Variants in HTR3B observed in about 807,000 individuals in gnomAD.
The protein encoded by HTR3B is 5-hydroxytryptamine (serotonin) receptor 3B, ionotropic.
In HTR3B, 44 loss-of-function variants were observed where a neutral mutation model predicts 42.8. That is an observed-to-expected ratio of 1.03 (90% CI 0.81 to 1.32). HTR3B has a LOEUF of 1.32. Among genes scored for constraint, HTR3B ranks in the 40% most tolerant of loss-of-function variants. HTR3B has a pLI of 0.00. For synonymous variants in HTR3B, 203 were observed against 209.0 expected (o/e 0.97, Z 0.25); for missense variants, 527 against 536.5 (o/e 0.98, Z 0.17).
intron 2 of HTR3B, among the ~76,000 whole-genome samples, chr11:113,920,692 T>C (rs1949903794): frequency 6.6e-6 from 1 of 152,130 alleles, no homozygotes; most frequent in South Asian, 2.1e-4. Flanking sequence ...CCAATTATCC[T>C]ATTAAGTAAG....
Position 113,946,020 on chromosome 11 carries a change from A to G in HTR3B, c.1209A>G (p.Ala403=). The G allele has an allele frequency of 6.2e-7, 1 of 1,613,942 alleles. No homozygotes were observed. The highest frequency in any genetic ancestry group is 8.5e-7 in the Non-Finnish European group (1 of 1,179,836). Reference sequence around the variant, plus strand: ...AGGACCAGACAGACCAACAGGAGGCAGAGTGGCTGGTCCTCCTGTCCCGCT... The same window carrying G: ...AGGACCAGACAGACCAACAGGAGGCGGAGTGGCTGGTCCTCCTGTCCCGCT... ...QTQDQTDQQE[A]EWLVLLSRFD... The change falls in exon 9 of 9, where the codon GCA becomes GCG. Residue 403 remains alanine (A), a synonymous_variant. Transcript: ENST00000260191.
chr11:113,924,582 G>A (rs947919481), intron 2 of HTR3B, among the ~76,000 whole-genome samples: 6 of 131,700 alleles, frequency 4.6e-5, no homozygotes, highest in Non-Finnish European at 9.2e-5. Context: ...CCATGATTGT[G>A]CCACTGCACC....
chr11:113,917,143 T>TTC (rs1240773082), intron 2 of HTR3B, among the ~76,000 whole-genome samples: 1 of 151,982 alleles, frequency 6.6e-6, no homozygotes, highest in Non-Finnish European at 1.5e-5. Flanking sequence ...CTATTTTTTT[T>TTC]TTTTTTGAGA....
chr11:113,945,398 G>A lies in HTR3B; in HGVS notation c.1091-504G>A, dbSNP rs192551184. Among the ~76,000 whole-genome samples the A allele has an allele frequency of 3.1e-3, 472 of 152,306 alleles. 2 individuals are homozygous for A. The highest frequency in any genetic ancestry group is 0.011 in the African/African-American group (454 of 41,564). On this transcript the variant is annotated intron_variant, in intron 8 of 8. Coordinates refer to ENST00000260191, the MANE Select transcript of HTR3B (RefSeq NM_006028.5). ...GATCCACCCACCTCGGCCTCCCAGA[G>A]TGCTGGGATTACAGGTGTGAGCCTA...
intron 6 of HTR3B, among the ~76,000 whole-genome samples, chr11:113,939,556 T>C (rs1950117598): frequency 1.3e-5 from 2 of 152,158 alleles, no homozygotes; most frequent in South Asian, 4.1e-4. Context: ...GAACACGTGG[T>C]CTGATAAACC....
Position 113,933,013 on chromosome 11 carries a change from G to T in HTR3B, c.616G>T (p.Glu206Ter). 1 of 1,614,164 alleles carries T rather than the reference G, an allele frequency of 6.2e-7. No individual in the cohort carries two copies. Among genetic ancestry groups the T allele is most frequent in the East Asian group, 2.2e-5 (1 of 44,884 alleles). Reference sequence around the variant, plus strand: ...CAAAAAGGCGTTTTTGAATGACAGTGAGTGGGAACTTCTATCTGTGTCCTC... The same window carrying T: ...CAAAAAGGCGTTTTTGAATGACAGTTAGTGGGAACTTCTATCTGTGTCCTC... ...HDKKAFLNDS[E>*]WELLSVSSTY... is the part of the protein sequence containing the mutation. Residue 206 changes from glutamate to a stop codon, truncating the protein, a stop_gained, in exon 6 of 9, where the codon GAG (glutamate) becomes TAG (stop). Transcript: ENST00000260191. LOFTEE classifies it high-confidence loss of function.
Position 113,945,923 on chromosome 11 carries a change from A to C in HTR3B, c.1112A>C (p.His371Pro). 1 of 1,613,938 alleles carries C rather than the reference A, an allele frequency of 6.2e-7. No homozygotes were observed. Among genetic ancestry groups the C allele is most frequent in the South Asian group, 1.1e-5 (1 of 91,070 alleles). Residue 371 changes from histidine to proline, a missense_variant, in exon 9 of 9, where the codon CAC (histidine) becomes CCC (proline). Transcript: ENST00000260191. Reference protein sequence around the residue: ...VVTESSLYGEHLAQPGTLKEV... With the variant: ...VVTESSLYGEPLAQPGTLKEV... The stretch of plus-strand genomic sequence containing the variant: ...ACAGAGTCCTCGCTGTATGGAGAGC[A>C]CCTGGCCCAGCCAGGAACCCTGAAG...
chr11:113,908,398 G>A (rs1949750462), intron 1 of HTR3B, among the ~76,000 whole-genome samples: 1 of 152,150 alleles, frequency 6.6e-6, no homozygotes, highest in Admixed American at 6.5e-5. Flanking sequence ...TTCACACGCA[G>A]GACACTACAG....
chr11:113,941,881 A>C (rs1591587528), intron 6 of HTR3B, among the ~76,000 whole-genome samples: 1 of 152,174 alleles, frequency 6.6e-6, no homozygotes, highest in African/African-American at 2.4e-5. Context: ...CAGATCACCC[A>C]GTCCCCGAAA....
chr11:113,934,734 G>A (rs45506803), intron 6 of HTR3B, among the ~76,000 whole-genome samples: 8,019 of 147,768 alleles, frequency 0.054, 270 homozygotes, highest in African/African-American at 0.084. Flanking sequence ...TTTCTTGTAA[G>A]GAAAAGGGAA....
At chr11:113,940,552 A>G (rs1180082347) in intron 6 of HTR3B, among the ~76,000 whole-genome samples, 1 of 152,194 alleles carries the variant, frequency 6.6e-6, no homozygotes, top group African/African-American at 2.4e-5. Context: ...CTTTGGTAGA[A>G]ATGTGTTTTA....
At chr11:113,920,408 C>T (rs1471239943) in intron 2 of HTR3B, among the ~76,000 whole-genome samples, 1 of 150,150 alleles carries the variant, frequency 6.7e-6, no homozygotes, top group East Asian at 2.0e-4. Context: ...TGGAGACTCA[C>T]TCTGTCACCC....
intron 2 of HTR3B, among the ~76,000 whole-genome samples, chr11:113,925,527 G>A (rs184149196): frequency 8.9e-5 from 13 of 146,300 alleles, no homozygotes; most frequent in Admixed American, 5.7e-4. Context: ...GGGTTCAAAC[G>A]ATTCTTCTGC....
At chr11:113,939,051 G>A (rs1321425863) in intron 6 of HTR3B, among the ~76,000 whole-genome samples, 1 of 151,900 alleles carries the variant, frequency 6.6e-6, no homozygotes, top group Admixed American at 6.6e-5. Flanking sequence ...CAAGAAAAAG[G>A]TGGATTCTTT....
chr11:113,923,889 C>T (rs1450673472), intron 2 of HTR3B, among the ~76,000 whole-genome samples: 1 of 152,124 alleles, frequency 6.6e-6, no homozygotes. Flanking sequence ...TCCTCTCAAC[C>T]ACCCCCATAA....
rs1176747 is a variant in HTR3B at position 113,926,468 on chromosome 11, T to C, written c.214-4916T>C. 4.8e-3 allele frequency among the ~76,000 whole-genome samples: 384 copies of C among 80,236 alleles called. 8 individuals are homozygous for C. Among genetic ancestry groups the C allele is most frequent in the African/African-American group, 0.012 (238 of 19,216 alleles). 52.6% of individuals were successfully genotyped at this position (80,236 alleles called of 152,430 possible). A position where few individuals can be genotyped will look rare whatever the true frequency, so the allele number is the denominator to read the frequency against. On this transcript the variant is annotated intron_variant, in intron 2 of 8. Coordinates refer to ENST00000260191, the MANE Select transcript of HTR3B (RefSeq NM_006028.5). ...ACTGCTTTTCCTTTCCTTTCCTTTC[T>C]TTTCCTTTCCTTTCCTTTCCTTTCC...
Position 113,932,992 on chromosome 11 carries a change from A to G in HTR3B, c.595A>G (p.Lys199Glu). ...RSPEDIQHDK[K>E]AFLNDSEWEL... is the part of the protein sequence containing the mutation. ...CCCAGAAGACATTCAGCATGACAAAAAGGCGTTTTTGAATGACAGTGAGTG... is the reference window on the plus strand; with the variant it reads ...CCCAGAAGACATTCAGCATGACAAAGAGGCGTTTTTGAATGACAGTGAGTG... The change falls in exon 6 of 9, where the codon AAG becomes GAG. Residue 199 changes from lysine to glutamate, a missense_variant. Coordinates refer to ENST00000260191, the MANE Select transcript of HTR3B (RefSeq NM_006028.5). 1 of 1,614,174 alleles carries G rather than the reference A, an allele frequency of 6.2e-7. No individual in the cohort carries two copies. The highest frequency in any genetic ancestry group is 8.5e-7 in the Non-Finnish European group (1 of 1,180,020).
intron 2 of HTR3B, among the ~76,000 whole-genome samples, chr11:113,926,476 TC>T (rs1949974632): frequency 8.3e-6 from 1 of 121,024 alleles, no homozygotes; most frequent in Non-Finnish European, 1.7e-5. Context: ...TCTTTTCCTT[TC>T]CTTTCCTTTC....
rs554750285 is a variant in HTR3B, at chr11:113,947,304, CT to C, written c.*1168del. On this transcript the variant is annotated 3_prime_UTR_variant, in exon 9 of 9. Transcript: ENST00000260191. ...ATTTTAGTAGCAGGTGCCAAGGCTT[CT>C]AAGCCCAGTCTAGCACATCATTTAG... Among the ~76,000 whole-genome samples, 27 of 152,240 alleles carry C rather than the reference CT, an allele frequency of 1.8e-4. No individual in the cohort carries two copies. The South Asian group carries it at 5.4e-3, about 30-fold the overall frequency.
Sources: gnomAD v4.1 joint callset for allele counts (sites outside exome capture counted in the v4.1 genomes callset) on GRCh38, gnomAD v4.1.1 for gene constraint, MANE v1.5 for transcripts, NCBI Gene and HGNC (gene_info 2026-07-23, HGNC 2026-07-21) for gene names.